The following ROBO2 variants were observed in gnomAD, a reference collection of about 807,000 sequenced individuals.
The protein encoded by ROBO2 is roundabout guidance receptor 2.
A neutral mutation model predicts 160.8 loss-of-function variants in ROBO2; 53 were observed. The ratio of observed to expected loss-of-function variants is 0.33; its 90% CI spans 0.26 to 0.41. The LOEUF is 0.41. Ranked by LOEUF, ROBO2 falls within the 10% of genes least tolerant of loss-of-function variation. The pLI, the probability that ROBO2 is intolerant of heterozygous loss-of-function variation, is 1.00. For synonymous variants in ROBO2, 664 were observed against 611.7 expected, an observed-to-expected ratio of 1.09 and a Z score of -1.26; for missense variants, 1,577 against 1,722.4, an observed-to-expected ratio of 0.92 and a Z score of 1.49.
At chr3:77,623,896 G>A (rs1007168971) in intron 23 of ROBO2, among the ~76,000 whole-genome samples, 7 of 152,240 alleles carry the variant, frequency 4.6e-5, no homozygotes, top group African/African-American at 1.7e-4. Flanking sequence ...ATATTATAAT[G>A]TCAAAGATGA....
chr3:76,517,197 A>T (rs897189047), intron 2 of ROBO2, among the ~76,000 whole-genome samples: 1 of 152,136 alleles, frequency 6.6e-6, no homozygotes, highest in African/African-American at 2.4e-5. Context: ...CAGTGCTTTT[A>T]CCCATGTATG....
intron 2 of ROBO2, among the ~76,000 whole-genome samples, chr3:76,448,561 A>C (rs1391878304): frequency 6.6e-6 from 1 of 152,134 alleles, no homozygotes; most frequent in Non-Finnish European, 1.5e-5. Context: ...TAATTTGCTT[A>C]ATCTATTTAT....
At chr3:77,608,316 T>C (rs527816360) in intron 21 of ROBO2, among the ~76,000 whole-genome samples, 27 of 152,274 alleles carry the variant, frequency 1.8e-4, no homozygotes, top group African/African-American at 6.5e-4. Context: ...ACCTTCTTCA[T>C]CATCCCTTGC....
At chr3:77,624,235 TC>T (rs77211751) in intron 23 of ROBO2, among the ~76,000 whole-genome samples, 7,828 of 152,254 alleles carry the variant, frequency 0.051, 291 homozygotes, top group East Asian at 0.2. Context: ...ACTTTTTTTT[TC>T]CTTTCTCTTC....
chr3:77,605,450 G>A (rs2094507865), intron 20 of ROBO2, among the ~76,000 whole-genome samples: 1 of 152,010 alleles, frequency 6.6e-6, no homozygotes, highest in South Asian at 2.1e-4. Flanking sequence ...AAAGAAGTCA[G>A]GTGTGTTGAT....
chr3:76,790,993 A>G (rs1234756861), intron 2 of ROBO2, among the ~76,000 whole-genome samples: 1 of 151,778 alleles, frequency 6.6e-6, no homozygotes, highest in Non-Finnish European at 1.5e-5. Context: ...CTTGAGATGA[A>G]ACAGGTAAAA....
chr3:77,497,879 A>G (rs2087011045), intron 5 of ROBO2, among the ~76,000 whole-genome samples: 1 of 152,146 alleles, frequency 6.6e-6, no homozygotes, highest in Non-Finnish European at 1.5e-5. Flanking sequence ...ACATAACACA[A>G]GTAACATGCC....
chr3:76,571,554 A>C (rs1400105742), intron 2 of ROBO2, among the ~76,000 whole-genome samples: 3 of 152,154 alleles, frequency 2.0e-5, no homozygotes, highest in Non-Finnish European at 4.4e-5. Context: ...GGTAGAGTTT[A>C]TTAATTTAAT....
chr3:76,312,051 G>A (rs2071624018), intron 2 of ROBO2, among the ~76,000 whole-genome samples: 2 of 152,090 alleles, frequency 1.3e-5, no homozygotes, highest in Admixed American at 6.6e-5. Flanking sequence ...AAGTTCAGTG[G>A]GTTCTGCTTC....
chr3:76,538,530 C>T (rs1054062100), intron 2 of ROBO2, among the ~76,000 whole-genome samples: 11 of 152,154 alleles, frequency 7.2e-5, no homozygotes, highest in African/African-American at 2.4e-4. Context: ...TAAAGTAGTA[C>T]ATGCATAAAA....
intron 2 of ROBO2, among the ~76,000 whole-genome samples, chr3:76,244,850 A>G (rs765345360): frequency 1.3e-5 from 2 of 152,250 alleles, no homozygotes; most frequent in Admixed American, 6.5e-5. Context: ...GTAACTATTC[A>G]GACCCCATCA....
chr3:77,422,294 T>C (rs929974010), intron 2 of ROBO2, among the ~76,000 whole-genome samples: 3 of 152,204 alleles, frequency 2.0e-5, no homozygotes. Context: ...GTGCTCACTG[T>C]ATCTTCTGGT....
At chr3:76,529,510 A>G (rs563855643) in intron 2 of ROBO2, among the ~76,000 whole-genome samples, 2 of 152,298 alleles carry the variant, frequency 1.3e-5, no homozygotes, top group South Asian at 4.1e-4. Context: ...AGCTGCACTG[A>G]GAAAGATCTG....
chr3:77,563,101 T>C (rs2093377304), intron 10 of ROBO2, 66 bp from the exon 12 acceptor site: 1 of 1,521,630 alleles, frequency 6.6e-7, no homozygotes, highest in Non-Finnish European at 9.1e-7. Context: ...GACTGCTTCC[T>C]TCTTTTAGGC....
chr3:76,622,235 G>GAAGAAAGA lies in ROBO2; in HGVS notation c.110-475708_110-475701dup, dbSNP rs66811756. On this transcript the variant is annotated intron_variant, in intron 2 of 26. Transcript: ENST00000487694. ...GGAAGGAAGGAAGGAAGGAAGGAAG[G>GAAGAAAGA]AAGAAAGAAAGAAAGAAAGAAAGAA... is the stretch of plus-strand genomic sequence containing the variant. 1.0e-3 allele frequency among the ~76,000 whole-genome samples: 46 copies of GAAGAAAGA among 44,794 alleles called. 2 individuals carry two copies. Among genetic ancestry groups the GAAGAAAGA allele is most frequent in the East Asian group, 3.8e-3 (4 of 1,040 alleles). The allele number at this position is 44,794 out of a possible 152,430, so 29.4% of individuals were successfully genotyped here. A position where few individuals can be genotyped will look rare whatever the true frequency, so the allele number is the denominator to read the frequency against.
chr3:76,268,296 A>G (rs1707220007), intron 2 of ROBO2, among the ~76,000 whole-genome samples: 1 of 152,014 alleles, frequency 6.6e-6, no homozygotes, highest in Non-Finnish European at 1.5e-5. Context: ...GGAGGAGAGG[A>G]GAGGGGATGC....
At chr3:76,762,269 T>C (rs1009178206) in intron 2 of ROBO2, among the ~76,000 whole-genome samples, 1 of 151,614 alleles carries the variant, frequency 6.6e-6, no homozygotes, top group East Asian at 2.0e-4. Flanking sequence ...AACAACATGT[T>C]GCAAGAATAA....
chr3:77,317,635 T>A, intron 2 of ROBO2: 1 of 434,262 alleles, frequency 2.3e-6, no homozygotes, highest in Non-Finnish European at 3.9e-6. Context: ...CGGCGGGCTC[T>A]GCGGGGGCTG....
intron 2 of ROBO2, among the ~76,000 whole-genome samples, chr3:76,833,938 C>T (rs566207278): frequency 5.1e-4 from 77 of 151,516 alleles, no homozygotes; most frequent in Middle Eastern, 6.8e-3. Context: ...TCCTTCCTTC[C>T]TTCTTTTTTT....
Sources: allele counts gnomAD v4.1 joint callset (sites outside exome capture counted in the v4.1 genomes callset), GRCh38; gene constraint gnomAD v4.1.1; transcripts MANE v1.5; gene names NCBI Gene and HGNC (gene_info 2026-07-23, HGNC 2026-07-21).